The following DLGAP1 variants were observed in gnomAD, a reference collection of about 807,000 sequenced individuals.
DLGAP1 encodes disks large-associated protein 1.
Under a neutral mutation model 90.8 loss-of-function variants are expected in DLGAP1, and 11 were observed. The ratio of observed to expected loss-of-function variants is 0.12; its 90% CI spans 0.08 to 0.20. The LOEUF is 0.20. Among genes scored for constraint, DLGAP1 ranks in the 10% least tolerant of loss-of-function variants. DLGAP1 has a pLI of 1.00. For synonymous variants in DLGAP1, 558 were observed against 540.7 expected, an observed-to-expected ratio of 1.03 and a Z score of -0.44; for missense variants, 1,050 against 1,333.8, an observed-to-expected ratio of 0.79 and a Z score of 3.31.
intron 4 of DLGAP1, among the ~76,000 whole-genome samples, chr18:3,867,239 T>C (rs1477452657): frequency 6.6e-6 from 1 of 151,984 alleles, no homozygotes; most frequent in African/African-American, 2.4e-5. Context: ...GACTTTTGAG[T>C]GCCACTGCTT....
chr18:3,889,962 G>T (rs1201054548), intron 3 of DLGAP1, among the ~76,000 whole-genome samples: 2 of 152,236 alleles, frequency 1.3e-5, no homozygotes, highest in African/African-American at 2.4e-5. Flanking sequence ...GACAGAAGCT[G>T]CCTAATGGCC....
chr18:3,998,966 T>C (rs1013469743), intron 3 of DLGAP1, among the ~76,000 whole-genome samples: 4 of 152,174 alleles, frequency 2.6e-5, no homozygotes, highest in African/African-American at 9.7e-5. Flanking sequence ...TAGGCTTATT[T>C]TACTTTTGAT....
intron 4 of DLGAP1, among the ~76,000 whole-genome samples, chr18:3,875,493 T>C (rs2070975300): frequency 6.6e-6 from 1 of 152,200 alleles, no homozygotes; most frequent in Non-Finnish European, 1.5e-5. Flanking sequence ...TGCTTTGTAT[T>C]TGGAGGAGGT....
chr18:3,885,871 A>G (rs1037168756), intron 3 of DLGAP1, among the ~76,000 whole-genome samples: 4 of 152,208 alleles, frequency 2.6e-5, no homozygotes, highest in African/African-American at 9.6e-5. Context: ...CACTGTCCAG[A>G]TGATGACCAA....
At chr18:4,162,210 C>A (rs1209656120) in intron 1 of DLGAP1, among the ~76,000 whole-genome samples, 1 of 152,096 alleles carries the variant, frequency 6.6e-6, no homozygotes, top group African/African-American at 2.4e-5. Flanking sequence ...GCGATAATGT[C>A]TCATAGGCAG....
chr18:3,657,184 AT>A (rs1599754637), intron 7 of DLGAP1, among the ~76,000 whole-genome samples: 1 of 152,246 alleles, frequency 6.6e-6, no homozygotes, highest in East Asian at 1.9e-4. Flanking sequence ...AGTCATGATC[AT>A]TTAGGCTGAA....
intron 4 of DLGAP1, among the ~76,000 whole-genome samples, chr18:3,818,706 A>G (rs2067235557): frequency 6.6e-6 from 1 of 150,380 alleles, no homozygotes; most frequent in South Asian, 2.1e-4. Context: ...GGTTCAAGAG[A>G]TTCTCCTGCC....
chr18:3,583,175 TACCTACCTA>T (rs1568240801), intron 7 of DLGAP1, among the ~76,000 whole-genome samples: 19 of 142,620 alleles, frequency 1.3e-4, no homozygotes, highest in African/African-American at 3.9e-4. Context: ...CCTACCTACC[TACCTACCTA>T]CCTTCCTTCC....
chr18:4,138,757 C>A (rs974892532), intron 2 of DLGAP1, among the ~76,000 whole-genome samples: 7 of 151,892 alleles, frequency 4.6e-5, no homozygotes, highest in Non-Finnish European at 8.8e-5. Flanking sequence ...TCAGTGAAAC[C>A]ACTGGGTCTT....
At chr18:3,972,507 A>ACTCTCT (rs748773454) in intron 3 of DLGAP1, among the ~76,000 whole-genome samples, 16 of 149,874 alleles carry the variant, frequency 1.1e-4, no homozygotes, top group South Asian at 4.3e-4. Context: ...ACACACACAC[A>ACTCTCT]CTCTCTCTCT....
Position 3,588,311 on chromosome 18 carries a change from TAGTC to T in DLGAP1, c.1592-6067_1592-6064del, listed in dbSNP as rs965352985. Among the ~76,000 whole-genome samples, 19 of 152,020 alleles carry T rather than the reference TAGTC, an allele frequency of 1.2e-4. 2 individuals carry two copies. Among genetic ancestry groups the T allele is most frequent in the Admixed American group, 1.2e-3 (19 of 15,268 alleles). ...CCCATCTCTACTAAAAATACAAAAT[TAGTC>T]AGGCGTGGCAGCACATGCATCTAAC... On this transcript the variant is annotated intron_variant, in intron 7 of 12. Transcript: ENST00000315677.
In DLGAP1 at chr18:4,087,019, C is replaced by G. The variant is rs9953810; in HGVS notation, c.-159+64161G>C. Among the ~76,000 whole-genome samples the G allele has an allele frequency of 4.0e-5, 4 of 99,332 alleles. 1 individual carries two copies. Among genetic ancestry groups the G allele is most frequent in the Non-Finnish European group, 8.9e-5 (4 of 44,914 alleles). 65.2% of individuals were successfully genotyped at this position (99,332 alleles called of 152,430 possible). On this transcript the variant is annotated intron_variant, in intron 2 of 12. Coordinates refer to ENST00000315677, the MANE Select transcript of DLGAP1 (RefSeq NM_004746.4). ...TTAATATTTTAGTTCTGAAGTCTAC[C>G]TTGTCTGAGATATATATATATACAC...
intron 7 of DLGAP1, among the ~76,000 whole-genome samples, chr18:3,659,445 A>ACCCCCCCCCCCCC (rs61527537): frequency 1.9e-5 from 2 of 105,322 alleles, no homozygotes; most frequent in African/African-American, 4.4e-5. Context: ...GGATGCTACC[A>ACCCCCCCCCCCCC]CCCCCCGCCG....
intron 4 of DLGAP1, among the ~76,000 whole-genome samples, chr18:3,877,364 T>G (rs2071030526): frequency 6.6e-6 from 1 of 152,204 alleles, no homozygotes. Flanking sequence ...TAACAAAGGC[T>G]TATGCTAGAT....
At chr18:3,999,392 T>G (rs1002563651) in intron 3 of DLGAP1, among the ~76,000 whole-genome samples, 1 of 152,174 alleles carries the variant, frequency 6.6e-6, no homozygotes, top group Non-Finnish European at 1.5e-5. Flanking sequence ...AGTAAATTTA[T>G]TTTTAGGATC....
At chr18:3,916,309 T>A (rs1261429874) in intron 3 of DLGAP1, among the ~76,000 whole-genome samples, 1 of 152,148 alleles carries the variant, frequency 6.6e-6, no homozygotes, top group African/African-American at 2.4e-5. Flanking sequence ...CTGCCATCTG[T>A]CAAGAGTGGG....
In DLGAP1 at chr18:3,819,754, T is replaced by TC. The variant is rs2067301976; in HGVS notation, c.958-5482dup. Among the ~76,000 whole-genome samples, 3 of 152,234 alleles carry TC rather than the reference T, an allele frequency of 2.0e-5. No homozygotes were observed. In the South Asian group the frequency reaches 6.2e-4, roughly 32 times the overall value. On this transcript the variant is annotated intron_variant, in intron 4 of 12. Coordinates refer to ENST00000315677, the MANE Select transcript of DLGAP1 (RefSeq NM_004746.4). ...GTCTGCCATTCACAGTTCAGGAATC[T>TC]CCCCCGCCCCCTTCTAGCATATTCA...
chr18:3,526,465 A>G lies in DLGAP1; in HGVS notation c.2479+7729T>C, dbSNP rs1270731431. ...CCCCGCATTCGCTGCCAAGGGTCCC[A>G]AGCCTTCTAGGGGACTGAAGGCCAA... is the stretch of plus-strand genomic sequence containing the variant. On this transcript the variant is annotated intron_variant, in intron 10 of 12. Transcript: ENST00000315677. The surrounding 1 kb of genome is among the most constrained non-coding windows in gnomAD (Gnocchi z 4.7). Among the ~76,000 whole-genome samples the G allele has an allele frequency of 6.6e-6, 1 of 152,214 alleles. No homozygotes were observed. The highest frequency in any genetic ancestry group is 6.5e-5 in the Admixed American group (1 of 15,278).
chr18:3,908,023 C>T (rs2071949041), intron 3 of DLGAP1, among the ~76,000 whole-genome samples: 1 of 152,154 alleles, frequency 6.6e-6, no homozygotes. Flanking sequence ...AAGTTATGCC[C>T]CTGCACATAT....
Sources: gnomAD v4.1 joint callset for allele counts (sites outside exome capture counted in the v4.1 genomes callset) on GRCh38, gnomAD v4.1.1 for gene constraint, Gnocchi (gnomAD v3.1) non-coding constraint, MANE v1.5 for transcripts, NCBI Gene and HGNC (gene_info 2026-07-23, HGNC 2026-07-21) for gene names.